The following ASCC3 variants were observed in gnomAD, a reference collection of about 807,000 sequenced individuals.
The protein encoded by ASCC3 is activating signal cointegrator 1 complex subunit 3.
A neutral mutation model predicts 256.3 loss-of-function variants in ASCC3; 158 were observed. The observed-to-expected ratio is 0.62, with a 90% confidence interval of 0.54 to 0.70. ASCC3 has a LOEUF of 0.70. Among genes scored for constraint, ASCC3 ranks in the 30% least tolerant of loss-of-function variants. The pLI, the probability that ASCC3 is intolerant of heterozygous loss-of-function variation, is 0.00. For missense variants in ASCC3, 2,259 were observed against 2,626.0 expected (o/e 0.86, Z 3.05); for synonymous variants, 948 against 883.4 (o/e 1.07, Z -1.30).
rs757056095 is a variant in ASCC3 at position 100,848,203 on chromosome 6, C to T, written c.746G>A (p.Cys249Tyr). 36 of 1,612,816 alleles carry T rather than the reference C, an allele frequency of 2.2e-5. No homozygotes were observed. The South Asian group carries it at 2.4e-4, about 11-fold the overall frequency. ...TEVPRVEDLC[C>Y]TLYDMLASIK... ...AGAAGCAAGCATATCATATAAAGTA[C>T]AGCAAAGATCTTCTACTCTTGGCAC... The change falls in exon 4 of 42, where the codon TGT (cysteine) becomes TAT (tyrosine). Residue 249 changes from cysteine (C) to tyrosine (Y), a missense_variant. This residue lies in a region of ASCC3 where 420 missense variants were observed against 419.3 expected (regional missense o/e 1.00). Coordinates refer to ENST00000369162, the MANE Select transcript of ASCC3 (RefSeq NM_006828.4).
intron 37 of ASCC3, among the ~76,000 whole-genome samples, chr6:100,538,622 C>A (rs1775285638): frequency 6.6e-6 from 1 of 152,076 alleles, no homozygotes; most frequent in Non-Finnish European, 1.5e-5. Flanking sequence ...GGACACCATT[C>A]TGGATCTCCT....
chr6:100,702,091 G>A (rs1778382854), intron 13 of ASCC3, among the ~76,000 whole-genome samples: 1 of 152,164 alleles, frequency 6.6e-6, no homozygotes, highest in African/African-American at 2.4e-5. Context: ...CTAGCTAGCT[G>A]CTATGTACAG....
chr6:100,827,337 T>C (rs1208797039), intron 4 of ASCC3, among the ~76,000 whole-genome samples: 1 of 152,184 alleles, frequency 6.6e-6, no homozygotes, highest in Non-Finnish European at 1.5e-5. Flanking sequence ...TTCCACCCTT[T>C]CTCCCTTTCC....
intron 13 of ASCC3, among the ~76,000 whole-genome samples, chr6:100,685,376 C>A (rs564607575): frequency 1.8e-4 from 28 of 152,200 alleles, no homozygotes; most frequent in African/African-American, 6.7e-4. Flanking sequence ...CTTTCTTAAC[C>A]CAGGCTCTTC....
intron 36 of ASCC3, among the ~76,000 whole-genome samples, chr6:100,565,030 T>A (rs948303217): frequency 3.3e-5 from 5 of 152,212 alleles, no homozygotes; most frequent in Admixed American, 2.0e-4. Context: ...CAGTATCATA[T>A]TAAATAATGT....
At chr6:100,510,805 A>G (rs1310403139) in intron 40 of ASCC3, among the ~76,000 whole-genome samples, 2 of 152,204 alleles carry the variant, frequency 1.3e-5, no homozygotes, top group Non-Finnish European at 2.9e-5. Flanking sequence ...ATAAAATGCA[A>G]GATTATTCTA....
rs537513698 is a variant in ASCC3 at position 100,708,079 on chromosome 6, C to T, written c.2151+7383G>A. Among the ~76,000 whole-genome samples the T allele has an allele frequency of 3.9e-5, 6 of 152,216 alleles. No individual in the cohort carries two copies. The South Asian group carries it at 1.2e-3, about 32-fold the overall frequency. The stretch of plus-strand genomic sequence containing the variant: ...AATAACCTTCTCTTGAACCTCTATT[C>T]TCAAAATATGATACAAAATGACCAC... On this transcript the variant is annotated intron_variant, in intron 13 of 41. Coordinates refer to ENST00000369162, the MANE Select transcript of ASCC3 (RefSeq NM_006828.4).
chr6:100,642,862 C>A, intron 23 of ASCC3, 113 bp from the exon 24 acceptor site: 1 of 1,036,352 alleles, frequency 9.6e-7, no homozygotes, highest in Admixed American at 2.2e-5. Flanking sequence ...GACAAAGTAT[C>A]TTGAATTTGT....
chr6:100,517,084 G>A (rs544965028), intron 38 of ASCC3, among the ~76,000 whole-genome samples: 32 of 152,148 alleles, frequency 2.1e-4, no homozygotes, highest in Non-Finnish European at 1.5e-4. Context: ...GGTATGGCAC[G>A]CTCTCTGAGT....
chr6:100,842,950 G>T (rs1772216524), intron 4 of ASCC3, among the ~76,000 whole-genome samples: 1 of 152,048 alleles, frequency 6.6e-6, no homozygotes, highest in Non-Finnish European at 1.5e-5. Context: ...ACTCCAGCCT[G>T]GGTGACAGAA....
chr6:100,527,186 T>C (rs182294302), intron 37 of ASCC3, among the ~76,000 whole-genome samples: 3 of 152,314 alleles, frequency 2.0e-5, no homozygotes, highest in Admixed American at 6.5e-5. Context: ...GCTTATAGTA[T>C]TAATGCTCAT....
chr6:100,516,755 A>G lies in ASCC3; in HGVS notation c.5928-428T>C, dbSNP rs180971004. ...ATAAAGTTAAAAGTTCATTTTGAGA[A>G]TTTTTGAGATTTACAGCATAAGTAG... On this transcript the variant is annotated intron_variant, in intron 38 of 41. Coordinates refer to ENST00000369162, the MANE Select transcript of ASCC3 (RefSeq NM_006828.4). Among the ~76,000 whole-genome samples the G allele has an allele frequency of 2.2e-3, 340 of 152,282 alleles. 1 individual carries two copies. The highest frequency in any genetic ancestry group is 7.7e-3 in the African/African-American group (321 of 41,572).
chr6:100,752,326 T>C (rs1168624498), intron 10 of ASCC3, among the ~76,000 whole-genome samples: 1 of 152,130 alleles, frequency 6.6e-6, no homozygotes, highest in Non-Finnish European at 1.5e-5. Flanking sequence ...GCTAATGAGA[T>C]TCAGGAAATG....
At chr6:100,608,195 T>C (rs1174655156) in intron 30 of ASCC3, among the ~76,000 whole-genome samples, 1 of 100,502 alleles carries the variant, frequency 1.0e-5, no homozygotes, top group Non-Finnish European at 1.8e-5. Context: ...TGTATATATA[T>C]ACTTTATATA....
chr6:100,610,054 T>A (rs965738732), intron 30 of ASCC3, among the ~76,000 whole-genome samples: 10 of 152,170 alleles, frequency 6.6e-5, no homozygotes, highest in African/African-American at 2.4e-4. Flanking sequence ...ACCAAGTGAT[T>A]TGAGAAGACA....
intron 37 of ASCC3, among the ~76,000 whole-genome samples, chr6:100,529,120 T>TA (rs1456060492): frequency 6.6e-6 from 1 of 151,976 alleles, no homozygotes; most frequent in Non-Finnish European, 1.5e-5. Flanking sequence ...AGGCAAACCT[T>TA]AAAATGAGAG....
intron 22 of ASCC3, 95 bp from the exon 23 acceptor site, chr6:100,644,224 C>A (rs1775271916): frequency 2.4e-6 from 2 of 819,028 alleles, no homozygotes; most frequent in Admixed American, 1.8e-5. Flanking sequence ...ATTGATATAT[C>A]ATTTATATTA....
At chr6:100,669,124 A>G (rs143583047) in intron 14 of ASCC3, among the ~76,000 whole-genome samples, 130 of 151,180 alleles carry the variant, frequency 8.6e-4, no homozygotes, top group African/African-American at 3.1e-3. Context: ...GATAGTCTCA[A>G]AAATTTAATA....
intron 5 of ASCC3, among the ~76,000 whole-genome samples, chr6:100,805,337 A>G (rs932370254): frequency 6.6e-6 from 1 of 152,128 alleles, no homozygotes; most frequent in Non-Finnish European, 1.5e-5. Context: ...AGATGGAAAC[A>G]ACAGACACTA....
Sources: gnomAD v4.1 joint callset for allele counts (sites outside exome capture counted in the v4.1 genomes callset) on GRCh38, gnomAD v4.1.1 for gene constraint, gnomAD v4.1.1 regional missense constraint, MANE v1.5 for transcripts, NCBI Gene and HGNC (gene_info 2026-07-23, HGNC 2026-07-21) for gene names.